The following EPHA7 variants were observed in gnomAD, a reference collection of about 807,000 sequenced individuals.
The protein encoded by EPHA7 is ephrin type-A receptor 7.
EPHA7 carries 25 observed loss-of-function variants against 112.6 expected under a neutral mutation model. The ratio of observed to expected loss-of-function variants is 0.22; its 90% CI spans 0.16 to 0.31. EPHA7 has a LOEUF of 0.31. EPHA7 is among the 10% of genes least tolerant of loss of function. The pLI is 1.00. For missense variants in EPHA7, 962 were observed against 1,212.6 expected (o/e 0.79, Z 3.07); for synonymous variants, 437 against 406.5 (o/e 1.07, Z -0.90).
chr6:93,376,913 C>T (rs1582626088), intron 3 of EPHA7, among the ~76,000 whole-genome samples: 1 of 152,136 alleles, frequency 6.6e-6, no homozygotes, highest in Admixed American at 6.5e-5. Flanking sequence ...CCTAGCGTTC[C>T]GCATTCCTGG....
At chr6:93,405,813 GTATATATATATATATATATA>G (rs60882775) in intron 3 of EPHA7, among the ~76,000 whole-genome samples, 18 of 73,982 alleles carry the variant, frequency 2.4e-4, no homozygotes, top group East Asian at 6.1e-4. Context: ...GTGTGTGTGT[GTATATATATATATATATATA>G]TATATATATA....
chr6:93,285,173 T>C (rs1772001457), intron 5 of EPHA7, among the ~76,000 whole-genome samples: 1 of 152,228 alleles, frequency 6.6e-6, no homozygotes. Context: ...TTAAGTTTAA[T>C]ATTTTCTGCT....
chr6:93,299,275 G>A (rs1772841005), intron 5 of EPHA7, among the ~76,000 whole-genome samples: 1 of 151,618 alleles, frequency 6.6e-6, no homozygotes, highest in Non-Finnish European at 1.5e-5. Context: ...GCAGTGAGCC[G>A]AGATCGCGCC....
chr6:93,380,048 G>C (rs983066607), intron 3 of EPHA7, among the ~76,000 whole-genome samples: 2 of 152,042 alleles, frequency 1.3e-5, no homozygotes, highest in African/African-American at 4.8e-5. Flanking sequence ...TTAGTATGAA[G>C]AATCTGGGTT....
At chr6:93,345,726 T>C (rs1044496833) in intron 5 of EPHA7, among the ~76,000 whole-genome samples, 1 of 151,706 alleles carries the variant, frequency 6.6e-6, no homozygotes, top group Non-Finnish European at 1.5e-5. Context: ...AAAAACAAGA[T>C]CTTGATAGTG....
intron 5 of EPHA7, among the ~76,000 whole-genome samples, chr6:93,280,130 C>T (rs998685288): frequency 1.3e-5 from 2 of 152,102 alleles, no homozygotes; most frequent in Admixed American, 6.6e-5. Context: ...CAAGTTAGAA[C>T]ATGAATGCTC....
intron 5 of EPHA7, among the ~76,000 whole-genome samples, chr6:93,277,199 G>GT (rs1280800788): frequency 6.6e-6 from 1 of 151,966 alleles, no homozygotes; most frequent in East Asian, 1.9e-4. Context: ...TATGAGCTTA[G>GT]TATTTTAAAA....
rs1773352310 is a variant in EPHA7 at position 93,308,168 on chromosome 6, T to G, written c.1325-35746A>C. Among the ~76,000 whole-genome samples, 3 of 152,158 alleles carry G rather than the reference T, an allele frequency of 2.0e-5. 1 individual carries two copies. In the South Asian group the frequency reaches 6.2e-4, roughly 32 times the overall value. On this transcript the variant is annotated intron_variant, in intron 5 of 16. Coordinates refer to ENST00000369303, the MANE Select transcript of EPHA7 (RefSeq NM_004440.4). The stretch of plus-strand genomic sequence containing the variant: ...TGACCATTTTTAATCTTTTGAGGTT[T>G]AATCACTCGAGTGACATGCTTACAT...
At chr6:93,293,674 T>C (rs1332903250) in intron 5 of EPHA7, among the ~76,000 whole-genome samples, 1 of 152,210 alleles carries the variant, frequency 6.6e-6, no homozygotes, top group African/African-American at 2.4e-5. Context: ...TGAATGCATT[T>C]TGACAGGTCA....
intron 5 of EPHA7, among the ~76,000 whole-genome samples, chr6:93,284,332 C>A (rs2450425): frequency 3.1e-5 from 3 of 95,828 alleles, no homozygotes; most frequent in African/African-American, 9.3e-5. Context: ...TTTTTTTTTT[C>A]AAAATCATCA....
intron 5 of EPHA7, among the ~76,000 whole-genome samples, chr6:93,303,545 C>T (rs1481830798): frequency 6.6e-6 from 1 of 152,024 alleles, no homozygotes; most frequent in African/African-American, 2.4e-5. Flanking sequence ...TTAGATCTAG[C>T]ATACATATTA....
Position 93,372,185 on chromosome 6 carries a change from C to T in EPHA7, c.833-13774G>A, listed in dbSNP as rs532165386. On this transcript the variant is annotated intron_variant, in intron 3 of 16. Coordinates refer to ENST00000369303, the MANE Select transcript of EPHA7 (RefSeq NM_004440.4). ...ATTGTATAAGAACTTATTAAATAAA[C>T]ATTTGTGAGTGGATGAACACCAATG... Among the ~76,000 whole-genome samples the T allele has an allele frequency of 1.7e-3, 266 of 152,194 alleles. 3 individuals are homozygous for T. The highest frequency in any genetic ancestry group is 6.3e-3 in the African/African-American group (261 of 41,534).
chr6:93,267,094 TTTGTGTGTTC>T (rs1770978439), intron 7 of EPHA7, among the ~76,000 whole-genome samples: 4 of 151,896 alleles, frequency 2.6e-5, no homozygotes, highest in Admixed American at 6.6e-5. Flanking sequence ...TAATAAAATG[TTTGTGTGTTC>T]TTGTGTTTTT....
chr6:93,314,460 G>A (rs1773696595), intron 5 of EPHA7, among the ~76,000 whole-genome samples: 1 of 152,096 alleles, frequency 6.6e-6, no homozygotes, highest in African/African-American at 2.4e-5. Flanking sequence ...TTCACTGACA[G>A]GTCCAACCTC....
At chr6:93,291,473 A>G (rs1772360570) in intron 5 of EPHA7, among the ~76,000 whole-genome samples, 2 of 152,210 alleles carry the variant, frequency 1.3e-5, no homozygotes, top group Non-Finnish European at 2.9e-5. Context: ...CAACAGATAA[A>G]AAATACTTTT....
At chr6:93,393,910 A>G (rs1212419017) in intron 3 of EPHA7, among the ~76,000 whole-genome samples, 1 of 151,886 alleles carries the variant, frequency 6.6e-6, no homozygotes, top group Non-Finnish European at 1.5e-5. Flanking sequence ...AATGCACAGC[A>G]AATTGTATCT....
chr6:93,340,354 G>T (rs1172456592), intron 5 of EPHA7, among the ~76,000 whole-genome samples: 2 of 151,718 alleles, frequency 1.3e-5, no homozygotes, highest in African/African-American at 4.8e-5. Flanking sequence ...TGTATCTAAT[G>T]AAAACATTAT....
chr6:93,407,075 T>G (rs1778756170), intron 3 of EPHA7, among the ~76,000 whole-genome samples: 1 of 151,986 alleles, frequency 6.6e-6, no homozygotes, highest in Admixed American at 6.6e-5. Context: ...ATATTAGACT[T>G]GAGAAGCATT....
At chr6:93,359,587 A>AT (rs1776138230) in intron 3 of EPHA7, among the ~76,000 whole-genome samples, 1 of 151,856 alleles carries the variant, frequency 6.6e-6, no homozygotes, top group African/African-American at 2.4e-5. Context: ...AATTAACCAC[A>AT]TTTTTCACTC....
Sources: allele counts gnomAD v4.1 joint callset (sites outside exome capture counted in the v4.1 genomes callset), GRCh38; gene constraint gnomAD v4.1.1; transcripts MANE v1.5; gene names NCBI Gene and HGNC (gene_info 2026-07-23, HGNC 2026-07-21).